RBM7: variants seen among roughly 807,000 people sequenced by gnomAD.
RBM7 encodes the protein RNA binding motif protein 7, also known as RNA-binding protein 7.
In RBM7, 13 loss-of-function variants were observed where a neutral mutation model predicts 31.0. That is an observed-to-expected ratio of 0.42 (90% CI 0.27 to 0.67). RBM7 has a LOEUF of 0.67. RBM7 is among the 30% of genes least tolerant of loss of function. The probability of loss-of-function intolerance (pLI) is 0.24; values close to 1 mark genes in which losing one functional copy is unlikely to be tolerated. For synonymous variants in RBM7, 106 were observed against 111.2 expected (o/e 0.95, Z 0.30); for missense variants, 245 against 326.2 (o/e 0.75, Z 1.92).
chr11:114,405,830 C>CAAA, intron 4 of RBM7, 31 bp downstream of exon 4: 2 of 1,317,956 alleles, frequency 1.5e-6, no homozygotes, highest in East Asian at 2.5e-5. Flanking sequence ...CTTGAATTGC[C>CAAA]AAAAAAAAAT....
chr11:114,400,825 C>G, intron 1 of RBM7, 58 bp downstream of exon 1: 3 of 1,589,292 alleles, frequency 1.9e-6, no homozygotes, highest in Non-Finnish European at 2.6e-6. Context: ...AGGGCCTGGC[C>G]AGCGGCCACC....
chr11:114,400,744 C>T lies in RBM7; in HGVS notation c.73C>T (p.Leu25Phe). ...GNLETKVTEE[L>F]LFELFHQAGP... ...CCTTGAAACGAAAGTGACCGAGGAG[C>T]TCCTTTTCGAGCTTTTCCACCAGGT... Residue 25 changes from leucine to phenylalanine, a missense_variant, in exon 1 of 5, where the codon CTC (leucine) becomes TTC (phenylalanine). Leu to Phe is a conservative substitution (Grantham distance 22). Coordinates refer to ENST00000375490, the MANE Select transcript of RBM7 (RefSeq NM_001286045.2). 6.2e-7 allele frequency: 1 copy of T among 1,614,220 alleles called. No individual in the cohort carries two copies. The highest frequency in any genetic ancestry group is 8.5e-7 in the Non-Finnish European group (1 of 1,180,044).
At chr11:114,403,030 G>T (rs142007228) in intron 3 of RBM7, 115 bp downstream of exon 3, 3 of 913,452 alleles carry the variant, frequency 3.3e-6, no homozygotes, top group Admixed American at 2.0e-5. Context: ...TCATTCTGCC[G>T]TTATTACTTG....
At position 114,401,682 on chromosome 11, in the gene RBM7, A is replaced by G. The variant is rs1946204115; in HGVS notation, c.97-16A>G. On this transcript the variant is annotated splice_polypyrimidine_tract_variant and intron_variant, in intron 1 of 4. Transcript: ENST00000375490. ...TAGTTGCTTTATTTAAATTCTAAAC[A>G]CCTTTTTGTTTGTAGGCTGGGCCAG... 2 of 1,478,908 alleles carry G rather than the reference A, an allele frequency of 1.4e-6. No individual in the cohort carries two copies. Among genetic ancestry groups the G allele is most frequent in the South Asian group, 1.4e-5 (1 of 71,078 alleles). 91.6% of individuals were successfully genotyped at this position (1,478,908 alleles called of 1,614,324 possible).
intron 3 of RBM7, 41 bp from the exon 4 acceptor site, chr11:114,405,665 T>G (rs1471362104): frequency 2.1e-6 from 3 of 1,396,314 alleles, no homozygotes; most frequent in Non-Finnish European, 3.0e-6. Context: ...AGTTAGTAAA[T>G]ATTTATTGAA....
At chr11:114,405,845 C>A in intron 4 of RBM7, 46 bp downstream of exon 4, 1 of 1,321,890 alleles carries the variant, frequency 7.6e-7, no homozygotes, top group Non-Finnish European at 1.1e-6. Context: ...AAAAATCATC[C>A]TTAGTTAAAA....
chr11:114,403,516 T>TA (rs565407905), intron 3 of RBM7, among the ~76,000 whole-genome samples: 2 of 152,362 alleles, frequency 1.3e-5, no homozygotes, highest in South Asian at 4.1e-4. Context: ...TCATATTTAC[T>TA]TAAATGATTT....
intron 4 of RBM7, chr11:114,406,702 A>T (rs1466979722): frequency 6.6e-6 from 1 of 152,184 alleles, no homozygotes; most frequent in Non-Finnish European, 1.5e-5. Flanking sequence ...GATTCCAGTA[A>T]ACCCTGTAGC....
chr11:114,403,191 C>G (rs1946227178), intron 3 of RBM7, among the ~76,000 whole-genome samples: 1 of 152,172 alleles, frequency 6.6e-6, no homozygotes, highest in Non-Finnish European at 1.5e-5. Flanking sequence ...CATATGTGTA[C>G]AGTACATGTA....
intron 1 of RBM7, 51 bp from the exon 2 acceptor site, chr11:114,401,647 T>A: frequency 7.4e-7 from 1 of 1,343,958 alleles, no homozygotes; most frequent in Non-Finnish European, 9.9e-7. Context: ...AAAATTTGAG[T>A]ATTTTCCCTT....
chr11:114,407,216 T>C (rs1394564891), intron 4 of RBM7: 9 of 407,318 alleles, frequency 2.2e-5, no homozygotes, highest in South Asian at 5.4e-5. Context: ...TATAGTCATT[T>C]TGTGTGACTT....
chr11:114,400,803 T>A (rs1307210448), intron 1 of RBM7, 36 bp downstream of exon 1: 2 of 1,612,856 alleles, frequency 1.2e-6, no homozygotes, highest in South Asian at 1.1e-5. Flanking sequence ...CCTTTCGTTT[T>A]CCGTCTCGCC....
intron 4 of RBM7, 131 bp downstream of exon 4, chr11:114,405,930 G>T: frequency 1.7e-6 from 1 of 592,292 alleles, no homozygotes. Context: ...TAGTCCTCAA[G>T]GCGTAAGTGA....
At chr11:114,407,391 A>T (rs1370221046) in intron 4 of RBM7, 54 bp from the exon 5 acceptor site, 2 of 1,535,334 alleles carry the variant, frequency 1.3e-6, no homozygotes, top group Non-Finnish European at 1.8e-6. Context: ...GACCAAATAC[A>T]TATTAGCTTT....
At chr11:114,401,642 T>C (rs569410425) in intron 1 of RBM7, 56 bp from the exon 2 acceptor site, 1 of 1,311,210 alleles carries the variant, frequency 7.6e-7, no homozygotes, top group African/African-American at 1.5e-5. Flanking sequence ...TTTGTAAAAT[T>C]TGAGTATTTT....
At chr11:114,401,614 A>T in intron 1 of RBM7, 84 bp from the exon 2 acceptor site, 1 of 1,146,020 alleles carries the variant, frequency 8.7e-7, no homozygotes, top group Non-Finnish European at 1.2e-6. Flanking sequence ...TGTTGTTTTT[A>T]AACTTTGTCA....
At position 114,407,834 on chromosome 11, in the gene RBM7, T is replaced by C; in HGVS notation, c.*27T>C. ...ACATGTTAAAAGGACATTGTTTTTA[T>C]AGGGTCATTTTAGGCCCTTTGACTA... On this transcript the variant is annotated 3_prime_UTR_variant, in exon 5 of 5. Transcript: ENST00000375490. The C allele has an allele frequency of 1.3e-6, 2 of 1,565,884 alleles. No homozygotes were observed. Among genetic ancestry groups the C allele is most frequent in the Admixed American group, 1.8e-5 (1 of 55,920 alleles).
At chr11:114,404,661 G>A (rs1401476100) in intron 3 of RBM7, among the ~76,000 whole-genome samples, 1 of 150,620 alleles carries the variant, frequency 6.6e-6, no homozygotes. Flanking sequence ...AACATAACAA[G>A]GCACTCTCTC....
chr11:114,400,894 C>T, intron 1 of RBM7, 127 bp downstream of exon 1: 1 of 1,097,534 alleles, frequency 9.1e-7, no homozygotes, highest in Non-Finnish European at 1.3e-6. Flanking sequence ...GGGTGAAAGG[C>T]GGGTCTGGGT....
Sources: gnomAD v4.1 joint callset for allele counts (sites outside exome capture counted in the v4.1 genomes callset) on GRCh38, gnomAD v4.1.1 for gene constraint, MANE v1.5 for transcripts, NCBI Gene and HGNC (gene_info 2026-07-23, HGNC 2026-07-21) for gene names.